The following ARHGEF12 variants were observed in gnomAD, a reference collection of about 807,000 sequenced individuals.
ARHGEF12 encodes KMT2A/ARHGEF12 fusion protein.
ARHGEF12 carries 66 observed loss-of-function variants against 211.2 expected under a neutral mutation model. That is an observed-to-expected ratio of 0.31 (90% CI 0.26 to 0.38). ARHGEF12 has a LOEUF of 0.38. ARHGEF12 is among the 10% of genes least tolerant of loss of function. The pLI is 1.00. For synonymous variants in ARHGEF12, 592 were observed against 638.4 expected (o/e 0.93, Z 1.09); for missense variants, 1,429 against 1,869.5 (o/e 0.76, Z 4.34).
intron 1 of ARHGEF12, among the ~76,000 whole-genome samples, chr11:120,369,472 A>G (rs1171760713): frequency 6.6e-6 from 1 of 152,188 alleles, no homozygotes; most frequent in African/African-American, 2.4e-5. Flanking sequence ...CATTTCAGAG[A>G]TAAAGGAGAG....
chr11:120,457,004 A>C (rs1409908091), intron 22 of ARHGEF12, 114 bp from the exon 23 acceptor site: 2 of 949,692 alleles, frequency 2.1e-6, no homozygotes, highest in Non-Finnish European at 3.1e-6. Flanking sequence ...CAGTTGTTTA[A>C]ATAAGAATGT....
intron 15 of ARHGEF12, among the ~76,000 whole-genome samples, chr11:120,443,196 A>G (rs1945935868): frequency 6.6e-6 from 1 of 151,228 alleles, no homozygotes; most frequent in Non-Finnish European, 1.5e-5. Context: ...TAATTTTTGT[A>G]TTTTGTAGAG....
chr11:120,480,754 C>T (rs1193579502), intron 38 of ARHGEF12, among the ~76,000 whole-genome samples: 4 of 152,010 alleles, frequency 2.6e-5, no homozygotes, highest in Non-Finnish European at 4.4e-5. Flanking sequence ...ACTGAGGGGA[C>T]GGAGAGTAAT....
chr11:120,378,731 C>T (rs1004070359), intron 1 of ARHGEF12, among the ~76,000 whole-genome samples: 1 of 152,178 alleles, frequency 6.6e-6, no homozygotes, highest in South Asian at 2.1e-4. Flanking sequence ...AAAGACTGTC[C>T]TTTTCCCGTT....
At chr11:120,364,816 ATTTT>A (rs59126463) in intron 1 of ARHGEF12, among the ~76,000 whole-genome samples, 3 of 132,448 alleles carry the variant, frequency 2.3e-5, no homozygotes, top group Non-Finnish European at 4.7e-5. Context: ...ACATGTACCA[ATTTT>A]TTTTTTTTTT....
At chr11:120,362,236 A>C (rs987406845) in intron 1 of ARHGEF12, among the ~76,000 whole-genome samples, 1 of 152,258 alleles carries the variant, frequency 6.6e-6, no homozygotes, top group African/African-American at 2.4e-5. Context: ...AACATTATCA[A>C]ATCTTGGAAG....
intron 1 of ARHGEF12, among the ~76,000 whole-genome samples, chr11:120,353,830 T>C (rs1943060420): frequency 6.6e-6 from 1 of 152,204 alleles, no homozygotes; most frequent in Admixed American, 6.5e-5. Flanking sequence ...CTGAACACTG[T>C]TATCTGCAAC....
intron 36 of ARHGEF12, 197 bp downstream of exon 36, chr11:120,477,723 G>A (rs937634705): frequency 3.6e-5 from 18 of 494,954 alleles, no homozygotes; most frequent in South Asian, 7.3e-5. Flanking sequence ...AAAATTAGCC[G>A]GGCATGGTGG....
At chr11:120,474,026 G>A (rs1946954001) in intron 31 of ARHGEF12, among the ~76,000 whole-genome samples, 1 of 152,194 alleles carries the variant, frequency 6.6e-6, no homozygotes, top group Admixed American at 6.5e-5. Context: ...AGCTTCCAAA[G>A]AATGAGAGTT....
chr11:120,361,155 A>G (rs1379891353), intron 1 of ARHGEF12, among the ~76,000 whole-genome samples: 8 of 152,168 alleles, frequency 5.3e-5, no homozygotes, highest in Admixed American at 5.2e-4. Context: ...AAGCCATCTA[A>G]AGTAGTTTAT....
At chr11:120,417,557 T>C (rs1004076175) in intron 4 of ARHGEF12, among the ~76,000 whole-genome samples, 5 of 148,412 alleles carry the variant, frequency 3.4e-5, no homozygotes, top group Non-Finnish European at 7.4e-5. Context: ...TCACCCAGGC[T>C]AGGCTGGAGT....
intron 4 of ARHGEF12, among the ~76,000 whole-genome samples, chr11:120,413,527 C>T (rs1390729197): frequency 6.6e-6 from 1 of 152,072 alleles, no homozygotes; most frequent in African/African-American, 2.4e-5. Flanking sequence ...TCTTTCTTTC[C>T]TTCTGAAAAA....
At chr11:120,445,908 T>C (rs1393306640) in intron 16 of ARHGEF12, among the ~76,000 whole-genome samples, 1 of 142,142 alleles carries the variant, frequency 7.0e-6, no homozygotes, top group Non-Finnish European at 1.5e-5. Flanking sequence ...TCAAAAAAAA[T>C]AATAATATGG....
chr11:120,379,148 G>A (rs1943809631), intron 1 of ARHGEF12, among the ~76,000 whole-genome samples: 3 of 152,022 alleles, frequency 2.0e-5, no homozygotes, highest in Admixed American at 1.3e-4. Flanking sequence ...ATAGTTTTCA[G>A]CATACAGGGT....
chr11:120,392,485 C>G (rs759038826), intron 1 of ARHGEF12, among the ~76,000 whole-genome samples: 2 of 152,124 alleles, frequency 1.3e-5, no homozygotes, highest in African/African-American at 4.8e-5. Context: ...TCTTGAACCT[C>G]CTGGCATAGG....
At chr11:120,378,154 T>G (rs1365715037) in intron 1 of ARHGEF12, among the ~76,000 whole-genome samples, 1 of 152,078 alleles carries the variant, frequency 6.6e-6, no homozygotes, top group Non-Finnish European at 1.5e-5. Context: ...AGAGTTTTAC[T>G]TGTTCTACAT....
intron 38 of ARHGEF12, among the ~76,000 whole-genome samples, chr11:120,481,033 G>C (rs1053957308): frequency 3.9e-5 from 6 of 152,154 alleles, no homozygotes; most frequent in African/African-American, 1.4e-4. Flanking sequence ...GTAGTTTCCA[G>C]CTTTAAACTT....
At chr11:120,455,768 G>C (rs1361433173) in intron 22 of ARHGEF12, among the ~76,000 whole-genome samples, 1 of 152,216 alleles carries the variant, frequency 6.6e-6, no homozygotes, top group Non-Finnish European at 1.5e-5. Flanking sequence ...GGGGATTTTA[G>C]GCAGTGGATA....
intron 11 of ARHGEF12, among the ~76,000 whole-genome samples, chr11:120,436,370 A>G (rs1945692664): frequency 6.6e-6 from 1 of 152,178 alleles, no homozygotes; most frequent in Non-Finnish European, 1.5e-5. Context: ...GATACCACCA[A>G]GATATCTTGC....
Sources: allele counts gnomAD v4.1 joint callset (sites outside exome capture counted in the v4.1 genomes callset), GRCh38; gene constraint gnomAD v4.1.1; transcripts MANE v1.5; gene names NCBI Gene and HGNC (gene_info 2026-07-23, HGNC 2026-07-21).